The following CFAP74 variants were observed in gnomAD, a reference collection of about 807,000 sequenced individuals.
CFAP74 encodes cilia and flagella associated protein 74.
CFAP74 carries 124 observed loss-of-function variants against 188.9 expected under a neutral mutation model. The ratio of observed to expected loss-of-function variants is 0.66; its 90% CI spans 0.57 to 0.76. The LOEUF is 0.76. CFAP74 is among the 30% of genes least tolerant of loss of function. CFAP74 has a pLI of 0.00. For synonymous variants in CFAP74, 956 were observed against 916.7 expected (o/e 1.04, Z -0.77); for missense variants, 2,198 against 2,165.2 (o/e 1.02, Z -0.30).
chr1:1,939,587 G>T lies in CFAP74; in HGVS notation c.2877+7C>A. On this transcript the variant is annotated splice_region_variant and intron_variant, in intron 24 of 38. Transcript: ENST00000682832. ...CCTCTTACCCCAGGCCTGGCTGCAG[G>T]AGGTACCTTGGGAAGCCTGACGAAC... The T allele has an allele frequency of 6.5e-7, 1 of 1,534,808 alleles. No homozygotes were observed. Among genetic ancestry groups the T allele is most frequent in the South Asian group, 1.2e-5 (1 of 84,040 alleles).
At chr1:1,956,968 C>T (rs1388239301) in intron 16 of CFAP74, among the ~76,000 whole-genome samples, 184 bp from the exon 17 acceptor site, 8 of 152,248 alleles carry the variant, frequency 5.3e-5, no homozygotes, top group East Asian at 3.8e-4. Flanking sequence ...AGGTGTGGCA[C>T]GCGAGTCTGG....
At chr1:1,986,531 C>T (rs1039633073) in intron 5 of CFAP74, among the ~76,000 whole-genome samples, 6 of 152,334 alleles carry the variant, frequency 3.9e-5, no homozygotes, top group Non-Finnish European at 5.9e-5. Flanking sequence ...GAGCTGCAGC[C>T]GTGGAGCCAT....
At chr1:1,992,439 A>G (rs1044267511) in intron 1 of CFAP74, among the ~76,000 whole-genome samples, 3 of 151,608 alleles carry the variant, frequency 2.0e-5, no homozygotes, top group African/African-American at 7.3e-5. Context: ...AAGTGCTGGG[A>G]TTACAAGCTT....
intron 12 of CFAP74, among the ~76,000 whole-genome samples, chr1:1,965,450 G>A (rs958627919): frequency 2.6e-5 from 4 of 152,200 alleles, no homozygotes; most frequent in African/African-American, 4.8e-5. Flanking sequence ...TTTCTCGAGC[G>A]GGCAGTGTCA....
In CFAP74 at chr1:1,973,971, G is replaced by A; in HGVS notation, c.674+54C>T. The A allele has an allele frequency of 6.9e-7, 1 of 1,459,790 alleles. No individual in the cohort carries two copies. Among genetic ancestry groups the A allele is most frequent in the South Asian group, 1.4e-5 (1 of 71,044 alleles). 90.4% of individuals were successfully genotyped at this position (1,459,790 alleles called of 1,614,324 possible). On this transcript the variant is annotated intron_variant, in intron 7 of 38. Coordinates refer to ENST00000682832, the MANE Select transcript of CFAP74 (RefSeq NM_001304360.2). This position sits in a 1 kb window ranked among gnomAD's most constrained non-coding sequence, Gnocchi z 6.2. ...GGAGACCCCTGGGGGAGAGGGCGGA[G>A]GGGCTGGCAGAAGCTGCTGGGAAGG...
At chr1:1,976,285 G>A (rs1274932895) in intron 6 of CFAP74, among the ~76,000 whole-genome samples, 1 of 152,250 alleles carries the variant, frequency 6.6e-6, no homozygotes, top group Non-Finnish European at 1.5e-5. Context: ...GGTGGGAGGT[G>A]TTGGGGTCGT....
intron 1 of CFAP74, among the ~76,000 whole-genome samples, chr1:1,998,876 C>T (rs1403032601): frequency 1.3e-5 from 2 of 150,766 alleles, no homozygotes; most frequent in Middle Eastern, 3.4e-3. Flanking sequence ...GACTCCGTCT[C>T]GAAAAAAGTA....
intron 22 of CFAP74, among the ~76,000 whole-genome samples, chr1:1,941,543 G>A (rs1455877501): frequency 1.3e-5 from 2 of 152,216 alleles, no homozygotes; most frequent in Non-Finnish European, 2.9e-5. Context: ...AGGTAAAGGA[G>A]CAAATGTCAG....
intron 1 of CFAP74, among the ~76,000 whole-genome samples, chr1:2,002,883 T>C (rs1557431998): frequency 6.6e-6 from 1 of 150,792 alleles, no homozygotes. Flanking sequence ...TAGGGACACA[T>C]GCATAGGTAG....
At chr1:1,945,227 A>T (rs980601938) in intron 20 of CFAP74, among the ~76,000 whole-genome samples, 2 of 152,032 alleles carry the variant, frequency 1.3e-5, no homozygotes, top group African/African-American at 4.8e-5. Context: ...GAATCGCTTG[A>T]ACCCGGGAGG....
chr1:1,946,867 C>A (rs1390047419), intron 19 of CFAP74, 123 bp downstream of exon 19: 7 of 753,586 alleles, frequency 9.3e-6, no homozygotes, highest in Non-Finnish European at 1.6e-5. Flanking sequence ...TCTGGCCTGT[C>A]TCTGGTCAAA....
intron 25 of CFAP74, among the ~76,000 whole-genome samples, chr1:1,938,326 CAA>C (rs1381914522): frequency 1.0e-4 from 12 of 114,340 alleles, no homozygotes; most frequent in Non-Finnish European, 2.3e-4. Context: ...CACTCACACA[CAA>C]GGCACTCACA....
Position 1,985,398 on chromosome 1 carries a change from A to G in CFAP74, c.488T>C (p.Leu163Pro), listed in dbSNP as rs1216956326. 3 of 1,613,910 alleles carry G rather than the reference A, an allele frequency of 1.9e-6. No homozygotes were observed. Among genetic ancestry groups the G allele is most frequent in the Non-Finnish European group, 1.7e-6 (2 of 1,179,886 alleles). The change falls in exon 6 of 39, where the codon CTG becomes CCG. Residue 163 changes from leucine to proline, a missense_variant. By Grantham distance (98) the Leu-to-Pro change is moderately conservative. Coordinates refer to ENST00000682832, the MANE Select transcript of CFAP74 (RefSeq NM_001304360.2). ...CACACCGACTCACTCGCTCTCCTTC[A>G]GCACGGCCTCAGTCCTCGACTGCAG... Reference protein sequence around the residue: ...RDLQSRTEAVLKESENTMWHI... With the variant: ...RDLQSRTEAVPKESENTMWHI...
chr1:1,927,121 G>T (rs973521278), intron 28 of CFAP74, 93 bp from the exon 29 acceptor site: 2 of 1,427,362 alleles, frequency 1.4e-6, no homozygotes, highest in African/African-American at 2.9e-5. Flanking sequence ...GGGTCCCAGG[G>T]TCCCAGGGTC....
chr1:1,936,337 A>G (rs1652895473), intron 25 of CFAP74, among the ~76,000 whole-genome samples: 1 of 150,074 alleles, frequency 6.7e-6, no homozygotes, highest in African/African-American at 2.5e-5. Flanking sequence ...CAAGGTCAAG[A>G]GATCGAGACC....
chr1:1,927,260 G>T, intron 28 of CFAP74: 1 of 601,304 alleles, frequency 1.7e-6, no homozygotes, highest in Non-Finnish European at 2.9e-6. Flanking sequence ...GTTGGGGCAG[G>T]TGCCTTTGGC....
intron 25 of CFAP74, among the ~76,000 whole-genome samples, chr1:1,938,364 TCA>T (rs57403342): frequency 1.4e-3 from 209 of 150,082 alleles, no homozygotes; most frequent in African/African-American, 4.8e-3. Context: ...ACATGCAAGC[TCA>T]CACACCCACC....
chr1:1,943,815 C>T (rs1024493891), intron 21 of CFAP74, among the ~76,000 whole-genome samples: 6 of 152,218 alleles, frequency 3.9e-5, no homozygotes, highest in East Asian at 1.9e-4. Flanking sequence ...GAAGCCAAGA[C>T]GGAGCTAAGG....
At chr1:1,939,192 A>G (rs1653177964) in intron 24 of CFAP74, among the ~76,000 whole-genome samples, 2 of 152,232 alleles carry the variant, frequency 1.3e-5, no homozygotes, top group Non-Finnish European at 2.9e-5. Flanking sequence ...AATTGTGAGC[A>G]TGTGCATGTG....
Sources: allele counts gnomAD v4.1 joint callset (sites outside exome capture counted in the v4.1 genomes callset), GRCh38; gene constraint gnomAD v4.1.1; non-coding constraint Gnocchi (gnomAD v3.1); transcripts MANE v1.5; gene names NCBI Gene and HGNC (gene_info 2026-07-23, HGNC 2026-07-21).